The following SIPA1L1 variants were observed in gnomAD, a reference collection of about 807,000 sequenced individuals.
SIPA1L1 encodes signal induced proliferation associated 1 like 1, also known as signal-induced proliferation-associated 1-like protein 1.
SIPA1L1 carries 26 observed loss-of-function variants against 162.7 expected under a neutral mutation model. The ratio of observed to expected loss-of-function variants is 0.16; its 90% CI spans 0.12 to 0.22. SIPA1L1 has a LOEUF of 0.22. SIPA1L1 is among the 10% of genes least tolerant of loss of function. The probability of loss-of-function intolerance (pLI) is 1.00; values close to 1 mark genes in which losing one functional copy is unlikely to be tolerated. For synonymous variants in SIPA1L1, 829 were observed against 837.4 expected, an observed-to-expected ratio of 0.99 and a Z score of 0.17; for missense variants, 1,874 against 2,241.0, an observed-to-expected ratio of 0.84 and a Z score of 3.31.
chr14:71,672,365 T>C lies in SIPA1L1; in HGVS notation c.2847T>C (p.Cys949=), dbSNP rs1252263402. 4 of 1,614,186 alleles carry C rather than the reference T, an allele frequency of 2.5e-6. No individual in the cohort carries two copies. The highest frequency in any genetic ancestry group is 2.2e-5 in the East Asian group (1 of 44,880). ...VKRLQFVSKG[C]ESVEMTLRRN... is the part of the protein sequence containing the mutation. ...TTGTCTAGTTTGTTTCAAAAGGCTG[T>C]GAATCGGTGGAGATGACTCTGCGAA... Residue 949 remains cysteine (C), a synonymous_variant, in exon 12 of 24, where the codon TGT becomes TGC. Coordinates refer to ENST00000381232, the MANE Select transcript of SIPA1L1 (RefSeq NM_001386936.1).
At chr14:71,723,138 C>A (rs766629388) in intron 17 of SIPA1L1, among the ~76,000 whole-genome samples, 3 of 152,222 alleles carry the variant, frequency 2.0e-5, no homozygotes, top group Non-Finnish European at 4.4e-5. Flanking sequence ...GGAATGCCAG[C>A]TGCCATGGGG....
At chr14:71,502,253 A>ATATATAT (rs1555440974) in intron 2 of SIPA1L1, among the ~76,000 whole-genome samples, 1,701 of 89,508 alleles carry the variant, frequency 0.019, 14 homozygotes, top group Middle Eastern at 0.029. Flanking sequence ...AAAAAAAAAA[A>ATATATAT]AAATATATAT....
intron 22 of SIPA1L1, among the ~76,000 whole-genome samples, chr14:71,737,397 G>A (rs776420705): frequency 1.4e-4 from 21 of 152,176 alleles, no homozygotes; most frequent in Non-Finnish European, 2.8e-4. Flanking sequence ...TCTCTGTGGT[G>A]TGCCCCTGAG....
chr14:71,371,252 G>A (rs952397983), intron 2 of SIPA1L1, among the ~76,000 whole-genome samples: 13 of 152,188 alleles, frequency 8.5e-5, no homozygotes, highest in Admixed American at 6.5e-4. Context: ...AAGTGGAATT[G>A]TAGTAATGGT....
Position 71,724,845 on chromosome 14 carries a change from A to G in SIPA1L1, c.4614+10A>G. ...ACAGAAGAGTTTTAAGGTACAAGACAGAGCTCAGGGTAGATGGCAATTAGA... is the reference window on the plus strand; with the variant it reads ...ACAGAAGAGTTTTAAGGTACAAGACGGAGCTCAGGGTAGATGGCAATTAGA... On this transcript the variant is annotated intron_variant, in intron 19 of 23. Coordinates refer to ENST00000381232, the MANE Select transcript of SIPA1L1 (RefSeq NM_001386936.1). The G allele has an allele frequency of 1.9e-6, 3 of 1,612,224 alleles. No individual in the cohort carries two copies. The highest frequency in any genetic ancestry group is 2.5e-6 in the Non-Finnish European group (3 of 1,178,930).
intron 2 of SIPA1L1, among the ~76,000 whole-genome samples, chr14:71,451,273 G>T (rs2045800268): frequency 6.6e-6 from 1 of 151,948 alleles, no homozygotes; most frequent in South Asian, 2.1e-4. Context: ...GGGGATATTT[G>T]ATAAAAAGGG....
At chr14:71,703,488 T>A (rs115209482) in intron 15 of SIPA1L1, among the ~76,000 whole-genome samples, 1 of 152,206 alleles carries the variant, frequency 6.6e-6, no homozygotes, top group East Asian at 1.9e-4. Flanking sequence ...TCTGAAGATA[T>A]GCTTTGTTCC....
chr14:71,518,511 A>G (rs1255254259), intron 3 of SIPA1L1, among the ~76,000 whole-genome samples: 1 of 152,162 alleles, frequency 6.6e-6, no homozygotes, highest in African/African-American at 2.4e-5. Flanking sequence ...TGTTGTCTTC[A>G]TGTGTAGTAT....
intron 2 of SIPA1L1, among the ~76,000 whole-genome samples, chr14:71,331,969 G>T (rs2034595675): frequency 6.6e-6 from 1 of 152,170 alleles, no homozygotes. Context: ...ACAAATTTCG[G>T]CTACTTAAGA....
At chr14:71,516,767 GT>G in intron 3 of SIPA1L1, among the ~76,000 whole-genome samples, 1 of 151,952 alleles carries the variant, frequency 6.6e-6, no homozygotes, top group Non-Finnish European at 1.5e-5. Flanking sequence ...GAGGTGAGGA[GT>G]TTGAGACCAG....
At chr14:71,683,761 A>G (rs533711603) in intron 12 of SIPA1L1, among the ~76,000 whole-genome samples, 1 of 152,248 alleles carries the variant, frequency 6.6e-6, no homozygotes, top group Non-Finnish European at 1.5e-5. Context: ...GTCATTAACT[A>G]CTAAAAGTAA....
At chr14:71,434,951 TA>T (rs1286183427) in intron 2 of SIPA1L1, among the ~76,000 whole-genome samples, 1 of 152,210 alleles carries the variant, frequency 6.6e-6, no homozygotes, top group Non-Finnish European at 1.5e-5. Context: ...CATTGTGTTT[TA>T]TTCCAGTTTT....
At chr14:71,545,750 T>G (rs995389223) in intron 4 of SIPA1L1, among the ~76,000 whole-genome samples, 6 of 152,136 alleles carry the variant, frequency 3.9e-5, no homozygotes, top group Non-Finnish European at 4.4e-5. Context: ...GTAGTGAAAA[T>G]GGACATCTTG....
chr14:71,348,784 G>T (rs1360796448), intron 2 of SIPA1L1, among the ~76,000 whole-genome samples: 3 of 152,206 alleles, frequency 2.0e-5, no homozygotes, highest in African/African-American at 7.2e-5. Context: ...TGGTAGGAAA[G>T]TATTTTTCAG....
At chr14:71,632,552 C>T (rs563436060) in intron 7 of SIPA1L1, among the ~76,000 whole-genome samples, 2 of 152,214 alleles carry the variant, frequency 1.3e-5, no homozygotes, top group East Asian at 1.9e-4. Flanking sequence ...ACTTTCATCA[C>T]GGTGGAGTGG....
chr14:71,610,796 G>A (rs2038122060), intron 5 of SIPA1L1, among the ~76,000 whole-genome samples: 1 of 152,022 alleles, frequency 6.6e-6, no homozygotes, highest in Non-Finnish European at 1.5e-5. Flanking sequence ...AAAATTAGAG[G>A]CCTATTAGGT....
At chr14:71,627,335 T>C (rs1167758371) in intron 7 of SIPA1L1, among the ~76,000 whole-genome samples, 1 of 151,644 alleles carries the variant, frequency 6.6e-6, no homozygotes, top group Non-Finnish European at 1.5e-5. Flanking sequence ...TTAGTAGAAA[T>C]GGGGTTTCAT....
At chr14:71,544,101 ATGTATGTATATACACATATATGCACG>A (rs1332698218) in intron 4 of SIPA1L1, among the ~76,000 whole-genome samples, 2 of 143,774 alleles carry the variant, frequency 1.4e-5, no homozygotes, top group Admixed American at 7.3e-5. Flanking sequence ...ACACACGCAC[ATGTATGTATATACACATATATGCACG>A]TGTATGTATA....
At chr14:71,569,329 T>G (rs1245718620) in intron 4 of SIPA1L1, among the ~76,000 whole-genome samples, 5 of 152,170 alleles carry the variant, frequency 3.3e-5, no homozygotes, top group African/African-American at 1.2e-4. Context: ...ACCCCAGGAT[T>G]GGAGGGTCCC....
Sources: gnomAD v4.1 joint callset for allele counts (sites outside exome capture counted in the v4.1 genomes callset) on GRCh38, gnomAD v4.1.1 for gene constraint, MANE v1.5 for transcripts, NCBI Gene and HGNC (gene_info 2026-07-23, HGNC 2026-07-21) for gene names.